Variants in MAGI1 observed in about 807,000 individuals in gnomAD.
The protein encoded by MAGI1 is membrane-associated guanylate kinase, WW and PDZ domain-containing protein 1.
A neutral mutation model predicts 139.9 loss-of-function variants in MAGI1; 58 were observed. The observed-to-expected ratio is 0.41, with a 90% CI of 0.34 to 0.52. MAGI1 has a LOEUF of 0.52. MAGI1 is among the 20% of genes least tolerant of loss of function. MAGI1 has a pLI of 0.12. For synonymous variants in MAGI1, 812 were observed against 737.9 expected (o/e 1.10, Z -1.63); for missense variants, 1,874 against 1,901.6 (o/e 0.99, Z 0.27).
intron 1 of MAGI1, among the ~76,000 whole-genome samples, chr3:65,667,858 C>A (rs886168235): frequency 6.6e-6 from 1 of 152,172 alleles, no homozygotes. Flanking sequence ...CCCACCGCAC[C>A]CAGCCAAGAA....
At chr3:65,900,888 A>G (rs1018299486) in intron 1 of MAGI1, among the ~76,000 whole-genome samples, 4 of 152,206 alleles carry the variant, frequency 2.6e-5, no homozygotes, top group Non-Finnish European at 5.9e-5. Flanking sequence ...CTTGAGAGGA[A>G]GAAGTATATG....
chr3:65,965,306 C>G (rs1480208874), intron 1 of MAGI1, among the ~76,000 whole-genome samples: 3 of 152,154 alleles, frequency 2.0e-5, no homozygotes, highest in African/African-American at 7.2e-5. Context: ...TTCTACTATT[C>G]CACGTTACCC....
chr3:65,964,944 C>A lies in MAGI1; in HGVS notation c.313+73052G>T, dbSNP rs185157321. ...AAGAAACTCTCCCGGAAACTATATG[C>A]ATATGCATATCTACTTCTAGGTACT... is the stretch of plus-strand genomic sequence containing the variant. On this transcript the variant is annotated intron_variant, in intron 1 of 22. Coordinates refer to ENST00000402939, the MANE Select transcript of MAGI1 (RefSeq NM_001033057.2). 2.0e-5 allele frequency among the ~76,000 whole-genome samples: 3 copies of A among 152,344 alleles called. No homozygotes were observed. In the East Asian group the frequency reaches 5.8e-4, roughly 29 times the overall value.
At chr3:65,866,543 A>C (rs944668786) in intron 1 of MAGI1, among the ~76,000 whole-genome samples, 9 of 152,206 alleles carry the variant, frequency 5.9e-5, no homozygotes, top group African/African-American at 1.9e-4. Flanking sequence ...TGCTCCCACC[A>C]GCACAGAAAG....
At chr3:65,834,052 A>G (rs1328830085) in intron 1 of MAGI1, among the ~76,000 whole-genome samples, 1 of 152,256 alleles carries the variant, frequency 6.6e-6, no homozygotes, top group Non-Finnish European at 1.5e-5. Flanking sequence ...AACACAACAC[A>G]TGTAATTCCC....
chr3:65,669,321 T>C (rs2086713219), intron 1 of MAGI1, among the ~76,000 whole-genome samples: 1 of 152,216 alleles, frequency 6.6e-6, no homozygotes, highest in Admixed American at 6.5e-5. Flanking sequence ...ATTGAAACTC[T>C]TGCAAAATTG....
chr3:66,001,842 T>C (rs1283071774), intron 1 of MAGI1, among the ~76,000 whole-genome samples: 1 of 152,244 alleles, frequency 6.6e-6, no homozygotes, highest in Non-Finnish European at 1.5e-5. Flanking sequence ...CAGGCCAAGC[T>C]GTTAAAGCCT....
chr3:65,509,496 G>A (rs1047312382), intron 2 of MAGI1, among the ~76,000 whole-genome samples: 1 of 152,198 alleles, frequency 6.6e-6, no homozygotes, highest in Non-Finnish European at 1.5e-5. Context: ...CACTTGGGAA[G>A]CGCAAGGGGC....
intron 1 of MAGI1, among the ~76,000 whole-genome samples, chr3:66,035,588 A>G (rs1363216118): frequency 6.6e-6 from 1 of 152,180 alleles, no homozygotes; most frequent in Non-Finnish European, 1.5e-5. Flanking sequence ...TGTAATTATT[A>G]CATGAAATAG....
At chr3:65,383,906 A>G (rs1943249827) in intron 14 of MAGI1, among the ~76,000 whole-genome samples, 1 of 152,216 alleles carries the variant, frequency 6.6e-6, no homozygotes, top group African/African-American at 2.4e-5. Context: ...AATAGTCAGC[A>G]TTAACTGCTT....
intron 5 of MAGI1, among the ~76,000 whole-genome samples, chr3:65,462,044 A>G (rs577919299): frequency 6.6e-6 from 1 of 152,178 alleles, no homozygotes; most frequent in Non-Finnish European, 1.5e-5. Context: ...ATAGATTCCA[A>G]ACATGTTCTC....
At chr3:65,808,707 A>C (rs1434827037) in intron 1 of MAGI1, among the ~76,000 whole-genome samples, 1 of 152,104 alleles carries the variant, frequency 6.6e-6, no homozygotes, top group Non-Finnish European at 1.5e-5. Context: ...CAGAACTCCA[A>C]CATCATTCTC....
intron 2 of MAGI1, among the ~76,000 whole-genome samples, chr3:65,551,005 G>A (rs1330387230): frequency 6.6e-6 from 1 of 152,048 alleles, no homozygotes; most frequent in East Asian, 1.9e-4. Flanking sequence ...TTGGTTCTGT[G>A]TCCCCACCCA....
intron 12 of MAGI1, among the ~76,000 whole-genome samples, chr3:65,416,878 AAG>A (rs1185775575): frequency 6.6e-6 from 1 of 152,190 alleles, no homozygotes; most frequent in African/African-American, 2.4e-5. Flanking sequence ...AATACAAACA[AAG>A]GAAATACCAG....
At chr3:65,579,971 C>A (rs1489849967) in intron 2 of MAGI1, among the ~76,000 whole-genome samples, 2 of 151,832 alleles carry the variant, frequency 1.3e-5, no homozygotes, top group African/African-American at 2.4e-5. Context: ...AAAATTATAA[C>A]AATTTCACAT....
At chr3:65,985,914 A>G (rs1435995093) in intron 1 of MAGI1, among the ~76,000 whole-genome samples, 1 of 152,210 alleles carries the variant, frequency 6.6e-6, no homozygotes, top group African/African-American at 2.4e-5. Context: ...CCCCATTTGA[A>G]CATGCTCAGT....
At chr3:66,021,920 G>A (rs574900115) in intron 1 of MAGI1, among the ~76,000 whole-genome samples, 62 of 152,296 alleles carry the variant, frequency 4.1e-4, no homozygotes, top group Admixed American at 6.5e-4. Flanking sequence ...GTTCAAAGTT[G>A]ATGATTTTCT....
intron 1 of MAGI1, among the ~76,000 whole-genome samples, chr3:65,922,160 T>A (rs1045878793): frequency 6.6e-6 from 1 of 152,048 alleles, no homozygotes; most frequent in Non-Finnish European, 1.5e-5. Context: ...CTCTAAGAGA[T>A]GAAATGACAT....
intron 1 of MAGI1, among the ~76,000 whole-genome samples, chr3:65,661,144 G>C (rs891882599): frequency 6.6e-6 from 1 of 152,158 alleles, no homozygotes; most frequent in Non-Finnish European, 1.5e-5. Flanking sequence ...TTTGCTCACA[G>C]GATGGTGTAT....
Sources: gnomAD v4.1 joint callset for allele counts (sites outside exome capture counted in the v4.1 genomes callset) on GRCh38, gnomAD v4.1.1 for gene constraint, MANE v1.5 for transcripts, NCBI Gene and HGNC (gene_info 2026-07-23, HGNC 2026-07-21) for gene names.